The following CAMTA1 variants were observed in gnomAD, a reference collection of about 807,000 sequenced individuals.
CAMTA1 encodes calmodulin binding transcription activator 1, also known as calmodulin-binding transcription activator 1.
In CAMTA1, 27 loss-of-function variants were observed where a neutral mutation model predicts 170.9. The observed-to-expected ratio is 0.16, with a 90% CI of 0.12 to 0.22. The LOEUF is 0.22. Among genes scored for constraint, CAMTA1 ranks in the 10% least tolerant of loss-of-function variants. CAMTA1 has a pLI of 1.00. For synonymous variants in CAMTA1, 833 were observed against 891.5 expected (o/e 0.93, Z 1.17); for missense variants, 1,619 against 2,217.2 (o/e 0.73, Z 5.42).
At chr1:7,529,117 G>C (rs1215229847) in intron 6 of CAMTA1, among the ~76,000 whole-genome samples, 1 of 152,230 alleles carries the variant, frequency 6.6e-6, no homozygotes, top group Non-Finnish European at 1.5e-5. Flanking sequence ...CGGGTCTGTT[G>C]TGGATATGGA....
intron 1 of CAMTA1, among the ~76,000 whole-genome samples, chr1:6,786,369 G>T (rs1010358952): frequency 1.3e-5 from 2 of 152,058 alleles, no homozygotes; most frequent in African/African-American, 4.8e-5. Context: ...CGTTTCTATG[G>T]CAAGTGAGGA....
intron 16 of CAMTA1, among the ~76,000 whole-genome samples, chr1:7,743,842 T>A (rs1175035076): frequency 6.6e-6 from 1 of 151,620 alleles, no homozygotes; most frequent in Non-Finnish European, 1.5e-5. Context: ...CTTTTTTTTT[T>A]CTGAGACGGA....
chr1:7,032,455 A>G (rs1702943725), intron 3 of CAMTA1, among the ~76,000 whole-genome samples: 2 of 152,226 alleles, frequency 1.3e-5, no homozygotes, highest in South Asian at 4.1e-4. Flanking sequence ...GTATAGTATA[A>G]GAACCTTATT....
intron 3 of CAMTA1, among the ~76,000 whole-genome samples, chr1:6,856,970 G>A (rs746931473): frequency 6.6e-6 from 1 of 152,080 alleles, no homozygotes; most frequent in Non-Finnish European, 1.5e-5. Context: ...GCCACAGCAG[G>A]GGTCATGCTA....
chr1:7,430,357 T>C (rs1473856875), intron 5 of CAMTA1, among the ~76,000 whole-genome samples: 1 of 151,846 alleles, frequency 6.6e-6, no homozygotes, highest in Non-Finnish European at 1.5e-5. Flanking sequence ...TGGATGATGG[T>C]GATTATGATG....
chr1:7,398,314 C>T (rs1434379945), intron 5 of CAMTA1, among the ~76,000 whole-genome samples: 1 of 147,004 alleles, frequency 6.8e-6, no homozygotes, highest in Admixed American at 6.8e-5. Context: ...ATGAATTGAC[C>T]ACTTTATTAT....
rs193263027 is a variant in CAMTA1 at position 7,726,989 on chromosome 1, C to T, written c.2915-5459C>T. Reference sequence around the variant, plus strand: ...TGCTTCACTTGGACTGTCCTAAGGACATCCACTTGGAAGCCCTCAAAGCTC... The same window carrying T: ...TGCTTCACTTGGACTGTCCTAAGGATATCCACTTGGAAGCCCTCAAAGCTC... On this transcript the variant is annotated intron_variant, in intron 11 of 22. Coordinates refer to ENST00000303635, the MANE Select transcript of CAMTA1 (RefSeq NM_015215.4). Among the ~76,000 whole-genome samples, 14 of 152,330 alleles carry T rather than the reference C, an allele frequency of 9.2e-5. No homozygotes were observed. The East Asian group carries it at 2.7e-3, about 29-fold the overall frequency.
At chr1:7,189,196 G>A (rs1056382400) in intron 4 of CAMTA1, among the ~76,000 whole-genome samples, 1 of 152,152 alleles carries the variant, frequency 6.6e-6, no homozygotes, top group Non-Finnish European at 1.5e-5. Flanking sequence ...TTCTAACAGG[G>A]AAACACTGTA....
intron 5 of CAMTA1, chr1:7,389,267 G>A: frequency 6.6e-6 from 1 of 152,496 alleles, no homozygotes; most frequent in Non-Finnish European, 1.5e-5. Context: ...TCTGGGCTCG[G>A]CAGGAGCCTC....
At chr1:6,966,874 A>C (rs1046645802) in intron 3 of CAMTA1, among the ~76,000 whole-genome samples, 1 of 151,116 alleles carries the variant, frequency 6.6e-6, no homozygotes, top group African/African-American at 2.4e-5. Context: ...AGCCTCCCAA[A>C]GTGTTGGGAT....
chr1:7,165,563 C>T, intron 4 of CAMTA1, among the ~76,000 whole-genome samples: 1 of 152,114 alleles, frequency 6.6e-6, no homozygotes, highest in East Asian at 1.9e-4. Flanking sequence ...TCCCCAGTAG[C>T]TGAGACTACA....
intron 4 of CAMTA1, among the ~76,000 whole-genome samples, chr1:7,123,934 G>C (rs1644787916): frequency 6.6e-6 from 1 of 152,118 alleles, no homozygotes; most frequent in African/African-American, 2.4e-5. Flanking sequence ...GTGTCTCATG[G>C]GGTTGACCCA....
Position 7,129,518 on chromosome 1 carries a change from G to T in CAMTA1, c.302+38147G>T, listed in dbSNP as rs552475756. Reference sequence around the variant, plus strand: ...TTATCCCAGGTGTCAGAAGTTCTGCGCTGGAATCTTAGCTGTGTGAGGTTC... The same window carrying T: ...TTATCCCAGGTGTCAGAAGTTCTGCTCTGGAATCTTAGCTGTGTGAGGTTC... On this transcript the variant is annotated intron_variant, in intron 4 of 22. Transcript: ENST00000303635. Among the ~76,000 whole-genome samples, 13 of 152,274 alleles carry T rather than the reference G, an allele frequency of 8.5e-5. No homozygotes were observed. The South Asian group carries it at 2.5e-3, about 29-fold the overall frequency.
intron 3 of CAMTA1, among the ~76,000 whole-genome samples, chr1:6,985,137 G>A (rs965368462): frequency 6.6e-6 from 1 of 152,234 alleles, no homozygotes; most frequent in African/African-American, 2.4e-5. Context: ...CGGGAAACCT[G>A]CCCATTTGGA....
intron 4 of CAMTA1, among the ~76,000 whole-genome samples, chr1:7,104,161 TACA>T (rs1643297154): frequency 7.2e-6 from 1 of 139,484 alleles, no homozygotes; most frequent in Non-Finnish European, 1.5e-5. Context: ...CACATATGCA[TACA>T]ACTACACACA....
intron 5 of CAMTA1, among the ~76,000 whole-genome samples, chr1:7,440,434 T>C (rs994955551): frequency 6.6e-6 from 1 of 152,254 alleles, no homozygotes; most frequent in African/African-American, 2.4e-5. Context: ...GTGTGTTGCC[T>C]GGGAGTTCCA....
chr1:6,808,520 T>C (rs1385430437), intron 1 of CAMTA1, among the ~76,000 whole-genome samples: 1 of 152,206 alleles, frequency 6.6e-6, no homozygotes, highest in Admixed American at 6.5e-5. Context: ...AAACTTCCAA[T>C]AGGAGAAGCC....
At chr1:7,024,388 G>C (rs755474712) in intron 3 of CAMTA1, among the ~76,000 whole-genome samples, 7 of 152,164 alleles carry the variant, frequency 4.6e-5, no homozygotes, top group Non-Finnish European at 8.8e-5. Context: ...GGAAAACAGC[G>C]ACAGTGAGAC....
rs909186733 is a variant in CAMTA1 at position 7,455,764 on chromosome 1, G to A, written c.439-12066G>A. On this transcript the variant is annotated intron_variant, in intron 5 of 22. Transcript: ENST00000303635. The surrounding 1 kb of genome is among the most constrained non-coding windows in gnomAD (Gnocchi z 5.0). ...TCCCGGCAGTGCCAGCCCCGCAGAC[G>A]CCTGCCCACAGGAGAAGAGAGCCAC... Among the ~76,000 whole-genome samples the A allele has an allele frequency of 2.6e-5, 4 of 152,228 alleles. No homozygotes were observed. The highest frequency in any genetic ancestry group is 1.9e-4 in the East Asian group (1 of 5,196).
Sources: gnomAD v4.1 joint callset for allele counts (sites outside exome capture counted in the v4.1 genomes callset) on GRCh38, gnomAD v4.1.1 for gene constraint, Gnocchi (gnomAD v3.1) non-coding constraint, MANE v1.5 for transcripts, NCBI Gene and HGNC (gene_info 2026-07-23, HGNC 2026-07-21) for gene names.